Variants in CFAP100 observed in about 807,000 individuals in gnomAD.
CFAP100 encodes the protein cilia- and flagella-associated protein 100.
In CFAP100, 70 loss-of-function variants were observed where a neutral mutation model predicts 81.5. The ratio of observed to expected loss-of-function variants is 0.86; its 90% CI spans 0.71 to 1.05. The LOEUF (loss-of-function observed/expected upper bound fraction) is 1.05, where lower values mean the gene tolerates loss of function less well. Ranked by LOEUF, CFAP100 falls within the 50% of genes least tolerant of loss-of-function variation. The probability of loss-of-function intolerance (pLI) is 0.00; values close to 1 mark genes in which losing one functional copy is unlikely to be tolerated. For missense variants in CFAP100, 811 were observed against 776.5 expected (o/e 1.04, Z -0.53); for synonymous variants, 341 against 314.8 (o/e 1.08, Z -0.88).
At chr3:126,423,697 TCC>T in intron 13 of CFAP100, 53 bp downstream of exon 13, 1 of 1,607,546 alleles carries the variant, frequency 6.2e-7, no homozygotes, top group Non-Finnish European at 8.5e-7. Context: ...CATCCTGGGA[TCC>T]CCCTAGCACT....
In CFAP100 at chr3:126,418,685, G is replaced by A. The variant is rs949602042; in HGVS notation, c.561G>A (p.Glu187=). ...TLATKEEARL[E]RAEKSLEKDA... ...CGACCAAAGAGGAGGCCAGGCTGGA[G>A]CGGGCCGAGAAATCCCTGGAGAAGG... The change falls in exon 7 of 17, where the codon GAG becomes GAA. Residue 187 remains glutamate (E), a synonymous_variant. Transcript: ENST00000352312. The A allele has an allele frequency of 2.5e-6, 4 of 1,582,740 alleles. No individual in the cohort carries two copies. Among genetic ancestry groups the A allele is most frequent in the Non-Finnish European group, 3.4e-6 (4 of 1,165,884 alleles).
chr3:126,425,177 CA>C, intron 13 of CFAP100, among the ~76,000 whole-genome samples: 1 of 152,316 alleles, frequency 6.6e-6, no homozygotes, highest in Middle Eastern at 3.4e-3. Flanking sequence ...CACATGCATG[CA>C]AACGTAAACC....
At position 126,433,101 on chromosome 3, in the gene CFAP100, TCAC is replaced by T. The variant is rs765631890; in HGVS notation, c.1323_1325del (p.Thr442del). ...GAGGTCAACCAGCTGAAGCAGTGGG[TCAC>T]CACAATGATGATGTCCATCACCAAG... On this transcript the variant is annotated inframe_deletion, in exon 14 of 17. Transcript: ENST00000352312. The T allele has an allele frequency of 6.2e-6, 10 of 1,613,866 alleles. No homozygotes were observed. The highest frequency in any genetic ancestry group is 5.9e-6 in the Non-Finnish European group (7 of 1,180,010).
At chr3:126,418,104 G>A in intron 5 of CFAP100, 1 of 256,702 alleles carries the variant, frequency 3.9e-6, no homozygotes, top group Non-Finnish European at 7.5e-6. Context: ...CCCCATTCAG[G>A]TCCTGGCTAG....
chr3:126,403,931 T>C (rs564831822), intron 2 of CFAP100, among the ~76,000 whole-genome samples: 1 of 152,300 alleles, frequency 6.6e-6, no homozygotes, highest in South Asian at 2.1e-4. Flanking sequence ...TAAATTTTCA[T>C]ACAAGGAAAA....
chr3:126,435,628 C>T lies in CFAP100; in HGVS notation c.1698C>T (p.Arg566=), dbSNP rs368437830. 2.9e-5 allele frequency: 47 copies of T among 1,611,830 alleles called. No individual in the cohort carries two copies. Among genetic ancestry groups the T allele is most frequent in the Middle Eastern group, 1.6e-4 (1 of 6,072 alleles). ...QEEHLQRARA[R]AQAEIKKKRG... ...AGCATCTGCAGCGGGCCCGGGCGCGCGCCCAGGCTGAGATCAAGAAGAAGG... is the reference window on the plus strand; with the variant it reads ...AGCATCTGCAGCGGGCCCGGGCGCGTGCCCAGGCTGAGATCAAGAAGAAGG... Residue 566 remains arginine (R), a synonymous_variant, in exon 16 of 17, where the codon CGC becomes CGT. Coordinates refer to ENST00000352312, the MANE Select transcript of CFAP100 (RefSeq NM_182628.3).
At chr3:126,418,407 C>T (rs1447497243) in intron 5 of CFAP100, 51 bp from the exon 6 acceptor site, 1 of 1,572,142 alleles carries the variant, frequency 6.4e-7, no homozygotes, top group African/African-American at 1.3e-5. Context: ...TGCCAGGCCC[C>T]TCCTCAGCCT....
Position 126,414,121 on chromosome 3 carries a change from T to A in CFAP100, c.167T>A (p.Leu56Ter), listed in dbSNP as rs770240546. 1.9e-6 allele frequency: 3 copies of A among 1,614,028 alleles called. No homozygotes were observed. Among genetic ancestry groups the A allele is most frequent in the Non-Finnish European group, 2.5e-6 (3 of 1,179,992 alleles). Reference sequence around the variant, plus strand: ...GACCCTTCAGCGAACCCTTTCCACTTATCTGGGGATGTGGATTTCTTCTTG... The same window carrying A: ...GACCCTTCAGCGAACCCTTTCCACTAATCTGGGGATGTGGATTTCTTCTTG... ...GPDPSANPFHLSGDVDFFLLR... is the reference protein window; with the variant it reads ...GPDPSANPFH Residue 56 changes from leucine to a stop codon, truncating the protein, a stop_gained, in exon 4 of 17, where the codon TTA becomes TAA. Transcript: ENST00000352312. LOFTEE classifies it high-confidence loss of function.
intron 3 of CFAP100, among the ~76,000 whole-genome samples, chr3:126,412,449 C>A (rs2083173754): frequency 6.6e-6 from 1 of 152,220 alleles, no homozygotes; most frequent in East Asian, 1.9e-4. Flanking sequence ...TCAACCAAAG[C>A]ATAATACCCT....
At chr3:126,433,469 G>T in intron 14 of CFAP100, 1 of 425,804 alleles carries the variant, frequency 2.3e-6, no homozygotes, top group Non-Finnish European at 4.3e-6. Context: ...TATTGTGTCT[G>T]GCAAGGTGAT....
At chr3:126,409,834 C>T (rs1371148558) in intron 3 of CFAP100, among the ~76,000 whole-genome samples, 1 of 152,126 alleles carries the variant, frequency 6.6e-6, no homozygotes, top group Non-Finnish European at 1.5e-5. Flanking sequence ...TTTGCTAGTT[C>T]TGAGTATGAC....
chr3:126,425,903 C>T (rs11720677), intron 13 of CFAP100, among the ~76,000 whole-genome samples: 34,599 of 152,026 alleles, frequency 0.23, 4,151 homozygotes, highest in East Asian at 0.36. Context: ...AAGGGAATTT[C>T]CTCAATTTTG....
intron 13 of CFAP100, 142 bp downstream of exon 13, chr3:126,423,786 G>A (rs1576641882): frequency 1.1e-5 from 12 of 1,080,550 alleles, no homozygotes; most frequent in East Asian, 5.1e-5. Flanking sequence ...AGCTCCGAGC[G>A]AAGCTCCGTT....
chr3:126,423,761 C>A, intron 13 of CFAP100, 117 bp downstream of exon 13: 2 of 1,260,054 alleles, frequency 1.6e-6, no homozygotes, highest in Non-Finnish European at 2.2e-6. Context: ...CTGGCCTGGT[C>A]CAGGTTGTCT....
intron 4 of CFAP100, among the ~76,000 whole-genome samples, chr3:126,415,154 C>T (rs935394772): frequency 6.6e-6 from 1 of 152,132 alleles, no homozygotes; most frequent in Non-Finnish European, 1.5e-5. Flanking sequence ...TCGAGGCCTC[C>T]CCCACCTTCC....
chr3:126,433,886 G>A, intron 14 of CFAP100: 1 of 427,816 alleles, frequency 2.3e-6, no homozygotes, highest in Admixed American at 4.1e-5. Flanking sequence ...GGTGCCCAGG[G>A]TGCAGGGTTC....
At chr3:126,402,247 AAC>A (rs909834517) in intron 2 of CFAP100, among the ~76,000 whole-genome samples, 4 of 152,158 alleles carry the variant, frequency 2.6e-5, no homozygotes, top group African/African-American at 9.7e-5. Context: ...GCTGGTTTAA[AAC>A]ACAGGTTTTA....
chr3:126,411,707 T>C (rs1184116968), intron 3 of CFAP100, among the ~76,000 whole-genome samples: 2 of 152,190 alleles, frequency 1.3e-5, no homozygotes, highest in Non-Finnish European at 2.9e-5. Context: ...TACATGTTCG[T>C]AGTAGTCTTA....
At chr3:126,427,097 C>A (rs755089721) in intron 13 of CFAP100, among the ~76,000 whole-genome samples, 4 of 152,190 alleles carry the variant, frequency 2.6e-5, no homozygotes, top group Non-Finnish European at 5.9e-5. Context: ...TCTATAACTT[C>A]AATGCAATCC....
Sources: gnomAD v4.1 joint callset for allele counts (sites outside exome capture counted in the v4.1 genomes callset) on GRCh38, gnomAD v4.1.1 for gene constraint, MANE v1.5 for transcripts, NCBI Gene and HGNC (gene_info 2026-07-23, HGNC 2026-07-21) for gene names.